MLIP: variants seen among roughly 807,000 people sequenced by gnomAD.
MLIP encodes muscular LMNA interacting protein.
In MLIP, 79 loss-of-function variants were observed where a neutral mutation model predicts 84.8. The observed-to-expected ratio is 0.93, with a 90% CI of 0.78 to 1.12. The LOEUF is 1.12. MLIP is among the 50% of genes most tolerant of loss of function. The pLI is 0.00. For missense variants in MLIP, 1,257 were observed against 1,160.6 expected (o/e 1.08, Z -1.21); for synonymous variants, 504 against 463.0 (o/e 1.09, Z -1.14).
chr6:54,221,552 T>A (rs111940291), intron 11 of MLIP, among the ~76,000 whole-genome samples: 1 of 22,198 alleles, frequency 4.5e-5, no homozygotes, highest in Non-Finnish European at 3.9e-4. Flanking sequence ...CCCCTTATAA[T>A]GCTAAAAGAT....
chr6:54,208,095 T>C (rs925605632), intron 11 of MLIP, among the ~76,000 whole-genome samples: 3 of 152,036 alleles, frequency 2.0e-5, no homozygotes, highest in Non-Finnish European at 2.9e-5. Context: ...GCCACTGCAC[T>C]CCAGGCTGGG....
chr6:54,138,421 A>G (rs752297409), intron 4 of MLIP, 135 bp downstream of exon 4: 50 of 950,834 alleles, frequency 5.3e-5, no homozygotes, highest in Non-Finnish European at 5.9e-5. Context: ...GCAAGACGGT[A>G]CCAGGACTTG....
chr6:54,091,114 C>T (rs535444683), intron 1 of MLIP, among the ~76,000 whole-genome samples: 71 of 152,138 alleles, frequency 4.7e-4, no homozygotes, highest in Admixed American at 1.0e-3. Context: ...TTTATGACAA[C>T]CAAAATGTCT....
At chr6:54,044,874 A>T (rs1344518158) in intron 1 of MLIP, among the ~76,000 whole-genome samples, 1 of 152,210 alleles carries the variant, frequency 6.6e-6, no homozygotes, top group Admixed American at 6.5e-5. Context: ...CTGATGAAAC[A>T]TATCAGTTTG....
At chr6:54,130,535 C>T (rs1433370412) in intron 3 of MLIP, among the ~76,000 whole-genome samples, 1 of 152,122 alleles carries the variant, frequency 6.6e-6, no homozygotes, top group Non-Finnish European at 1.5e-5. Flanking sequence ...CCTTCATCTG[C>T]TAGACATTTT....
At chr6:54,113,325 T>C (rs1769634534) in intron 1 of MLIP, among the ~76,000 whole-genome samples, 1 of 152,162 alleles carries the variant, frequency 6.6e-6, no homozygotes, top group Non-Finnish European at 1.5e-5. Flanking sequence ...GTAATTTCCT[T>C]GCCAAAACCA....
intron 1 of MLIP, among the ~76,000 whole-genome samples, chr6:54,052,047 C>A (rs962100595): frequency 6.6e-6 from 1 of 152,158 alleles, no homozygotes; most frequent in African/African-American, 2.4e-5. Flanking sequence ...TCTGCTTTCT[C>A]TCTTCTGACT....
chr6:54,252,624 C>T (rs898458658), intron 12 of MLIP, among the ~76,000 whole-genome samples: 3 of 150,376 alleles, frequency 2.0e-5, no homozygotes, highest in South Asian at 2.1e-4. Flanking sequence ...TAACCTCTGA[C>T]CTCTGGCCTC....
intron 1 of MLIP, among the ~76,000 whole-genome samples, chr6:54,102,401 A>G (rs1008013866): frequency 6.6e-6 from 1 of 152,132 alleles, no homozygotes; most frequent in South Asian, 2.1e-4. Flanking sequence ...ATGGTTGCCA[A>G]CAGTGGGAGG....
At chr6:54,243,052 A>G (rs1781843731) in intron 12 of MLIP, among the ~76,000 whole-genome samples, 5 of 152,212 alleles carry the variant, frequency 3.3e-5, no homozygotes, top group African/African-American at 1.2e-4. Flanking sequence ...GGCCTTTTCC[A>G]AGTCCTTATT....
intron 1 of MLIP, among the ~76,000 whole-genome samples, chr6:54,071,719 T>C (rs575241972): frequency 1.2e-4 from 19 of 152,330 alleles, no homozygotes; most frequent in South Asian, 6.2e-4. Flanking sequence ...TATGAATATG[T>C]TTGTTTTTAA....
At chr6:54,173,618 T>A (rs1312906090) in intron 9 of MLIP, among the ~76,000 whole-genome samples, 1 of 151,880 alleles carries the variant, frequency 6.6e-6, no homozygotes, top group African/African-American at 2.4e-5. Flanking sequence ...ATAGTAGGTA[T>A]GTATGGGGTA....
In MLIP at chr6:54,053,219, G is replaced by T. The variant is rs1036761705; in HGVS notation, c.63+34128G>T. Reference sequence around the variant, plus strand: ...TTAAGCACCACTATGTTTTGTACTGGGTTGAACCATGTGGAATTCCCATTT... The same window carrying T: ...TTAAGCACCACTATGTTTTGTACTGTGTTGAACCATGTGGAATTCCCATTT... On this transcript the variant is annotated intron_variant, in intron 1 of 12. Coordinates refer to the MLIP transcript ENST00000274897. Among the ~76,000 whole-genome samples, 7 of 152,198 alleles carry T rather than the reference G, an allele frequency of 4.6e-5. No homozygotes were observed. The South Asian group carries it at 8.3e-4, about 18-fold the overall frequency.
intron 1 of MLIP, among the ~76,000 whole-genome samples, chr6:54,035,477 G>C (rs1174757183): frequency 6.6e-6 from 1 of 152,056 alleles, no homozygotes; most frequent in Non-Finnish European, 1.5e-5. Flanking sequence ...TGGGATAAAT[G>C]CTAAAAGTGT....
At chr6:54,050,860 A>G (rs1328755917) in intron 1 of MLIP, among the ~76,000 whole-genome samples, 1 of 150,952 alleles carries the variant, frequency 6.6e-6, no homozygotes, top group African/African-American at 2.4e-5. Context: ...TTCACCTAAC[A>G]CTAACTATTT....
chr6:54,234,260 C>T (rs1781212054), intron 12 of MLIP, among the ~76,000 whole-genome samples: 1 of 152,008 alleles, frequency 6.6e-6, no homozygotes, highest in African/African-American at 2.4e-5. Flanking sequence ...CCTCTGAATG[C>T]CTCCGTTTAC....
rs192461339 is a variant in MLIP at position 54,093,865 on chromosome 6, G to A, written c.64-27582G>A. Among the ~76,000 whole-genome samples, 10 of 152,236 alleles carry A rather than the reference G, an allele frequency of 6.6e-5. No homozygotes were observed. In the East Asian group the frequency reaches 1.5e-3, roughly 24 times the overall value. ...AGAGCTGAAGAGCTGTGACAAAGAC[G>A]GTATGGCCCACAAAGCCTAAAATGT... On this transcript the variant is annotated intron_variant, in intron 1 of 12. Coordinates refer to the MLIP transcript ENST00000274897.
intron 4 of MLIP, among the ~76,000 whole-genome samples, chr6:54,147,002 T>C (rs1772912999): frequency 1.3e-5 from 2 of 152,200 alleles, no homozygotes; most frequent in South Asian, 4.1e-4. Flanking sequence ...AGTATCTACC[T>C]AATAGCTTTG....
At chr6:54,106,128 G>A (rs1275506365) in intron 1 of MLIP, among the ~76,000 whole-genome samples, 1 of 152,104 alleles carries the variant, frequency 6.6e-6, no homozygotes, top group African/African-American at 2.4e-5. Flanking sequence ...CAGAGGGAGA[G>A]ACTGGGCTAC....
Sources: gnomAD v4.1 joint callset for allele counts (sites outside exome capture counted in the v4.1 genomes callset) on GRCh38, gnomAD v4.1.1 for gene constraint, MANE v1.5 for transcripts, NCBI Gene and HGNC (gene_info 2026-07-23, HGNC 2026-07-21) for gene names.